The following GPM6B variants were observed in gnomAD, a reference collection of about 807,000 sequenced individuals.
The protein encoded by GPM6B is neuronal membrane glycoprotein M6-b.
In GPM6B, 4 loss-of-function variants were observed where a neutral mutation model predicts 27.2. The observed-to-expected ratio is 0.15, with a 90% CI of 0.07 to 0.34. The LOEUF (loss-of-function observed/expected upper bound fraction) is 0.34. Ranked by LOEUF, GPM6B falls within the 10% of genes least tolerant of loss-of-function variation. The pLI, the probability that GPM6B is intolerant of heterozygous loss-of-function variation, is 1.00. For missense variants in GPM6B, 183 were observed against 261.9 expected (o/e 0.70, Z 2.08); for synonymous variants, 124 against 103.1 (o/e 1.20, Z -1.23).
At chrX:13,831,424 G>T (rs2049438567) in intron 1 of GPM6B, among the ~76,000 whole-genome samples, 1 of 111,235 alleles carries the variant, frequency 9.0e-6, no homozygotes, top group Non-Finnish European at 1.9e-5. Flanking sequence ...TATAGAGCTT[G>T]TCCTGGCTCT....
At chrX:13,852,827 G>A (rs150182746) in intron 1 of GPM6B, among the ~76,000 whole-genome samples, 1,061 of 103,070 alleles carry the variant, frequency 0.01, 20 homozygotes, top group African/African-American at 0.036. Flanking sequence ...AGGTTGGAGT[G>A]CAGTGGCATG....
chrX:13,847,181 C>T (rs1423273369), intron 1 of GPM6B, among the ~76,000 whole-genome samples: 2 of 111,799 alleles, frequency 1.8e-5, no homozygotes, highest in Admixed American at 9.5e-5. Context: ...TGTGTGCAAA[C>T]ATCCCTTACA....
At chrX:13,793,091 T>A (rs1469897327) in intron 2 of GPM6B, among the ~76,000 whole-genome samples, 1 of 109,441 alleles carries the variant, frequency 9.1e-6, no homozygotes, top group Non-Finnish European at 1.9e-5. Context: ...CCAACCAGCA[T>A]TAACATCAAC....
chrX:13,907,494 A>G (rs915644652), intron 1 of GPM6B, among the ~76,000 whole-genome samples: 33 of 111,085 alleles, frequency 3.0e-4, no homozygotes, highest in South Asian at 7.6e-4. Flanking sequence ...GACCAGCCTG[A>G]CCAACATGGT....
intron 2 of GPM6B, among the ~76,000 whole-genome samples, chrX:13,806,444 T>C (rs2049022562): frequency 8.9e-6 from 1 of 111,900 alleles, no homozygotes; most frequent in Non-Finnish European, 1.9e-5. Context: ...ATATTCTTTA[T>C]AGGATCCATG....
intron 1 of GPM6B, among the ~76,000 whole-genome samples, chrX:13,912,035 A>G (rs762647956): frequency 9.0e-5 from 10 of 111,655 alleles, no homozygotes; most frequent in Non-Finnish European, 1.5e-4. Context: ...TATTACCACC[A>G]GACGCCCTTC....
At chrX:13,858,921 G>T (rs2049812057) in intron 1 of GPM6B, among the ~76,000 whole-genome samples, 2 of 111,967 alleles carry the variant, frequency 1.8e-5, no homozygotes, top group Admixed American at 9.5e-5. Context: ...ACCTTTCATA[G>T]GCATGTGTAT....
At chrX:13,854,511 T>C (rs1261526560) in intron 1 of GPM6B, among the ~76,000 whole-genome samples, 15 of 112,216 alleles carry the variant, frequency 1.3e-4, no homozygotes, top group Admixed American at 1.3e-3. Flanking sequence ...GTACATGTTT[T>C]CTAATGCAAT....
At chrX:13,848,788 T>C (rs997002084) in intron 1 of GPM6B, among the ~76,000 whole-genome samples, 4 of 112,417 alleles carry the variant, frequency 3.6e-5, no homozygotes, top group Admixed American at 9.4e-5. Context: ...AACTTGTACA[T>C]GAATGTTCAC....
intron 2 of GPM6B, among the ~76,000 whole-genome samples, chrX:13,804,909 T>G (rs2048994642): frequency 9.0e-6 from 1 of 111,514 alleles, no homozygotes; most frequent in African/African-American, 3.3e-5. Flanking sequence ...GGCATTGATT[T>G]AGGACCCAAC....
chrX:13,900,330 G>A (rs751109007), intron 1 of GPM6B, among the ~76,000 whole-genome samples: 12 of 111,833 alleles, frequency 1.1e-4, no homozygotes, highest in Admixed American at 1.0e-3. Context: ...CAATAAATGT[G>A]TCACTTCGCC....
intron 1 of GPM6B, among the ~76,000 whole-genome samples, chrX:13,831,895 C>T (rs1459317422): frequency 9.0e-6 from 1 of 110,780 alleles, no homozygotes; most frequent in East Asian, 2.8e-4. Flanking sequence ...ATTTTAGAAA[C>T]AAAATGGATA....
In GPM6B at chrX:13,930,562, C is replaced by T. The variant is rs547182289; in HGVS notation, c.-198+7765G>A. 1.4e-3 allele frequency among the ~76,000 whole-genome samples: 150 copies of T among 109,792 alleles called. 1 individual carries two copies. The highest frequency in any genetic ancestry group is 9.3e-3 in the Middle Eastern group (2 of 215). Reference sequence around the variant, plus strand: ...CCGGGAGGTGAAGCTTGCAGTAAGCCGAGATCGTGCCACTGCACTCCAGCC... The same window carrying T: ...CCGGGAGGTGAAGCTTGCAGTAAGCTGAGATCGTGCCACTGCACTCCAGCC... On this transcript the variant is annotated intron_variant, in intron 1 of 6. Transcript: ENST00000398361.
intron 1 of GPM6B, among the ~76,000 whole-genome samples, chrX:13,935,410 G>A (rs1262766671): frequency 1.1e-5 from 1 of 87,197 alleles, no homozygotes; most frequent in African/African-American, 6.8e-5. Flanking sequence ...CAGCTACTTG[G>A]GAGGCTGAGG....
intron 1 of GPM6B, among the ~76,000 whole-genome samples, chrX:13,857,142 AC>A (rs1337060307): frequency 4.5e-5 from 5 of 111,215 alleles, no homozygotes; most frequent in African/African-American, 1.6e-4. Flanking sequence ...CATTGGGCCC[AC>A]TGAGATAATC....
chrX:13,815,469 T>A (rs1005780200), intron 1 of GPM6B, among the ~76,000 whole-genome samples: 1 of 110,618 alleles, frequency 9.0e-6, no homozygotes, highest in Non-Finnish European at 1.9e-5. Flanking sequence ...TTTTTTTTTT[T>A]AAAGACACAC....
chrX:13,929,466 C>A (rs770585175), intron 1 of GPM6B, among the ~76,000 whole-genome samples: 6 of 109,714 alleles, frequency 5.5e-5, no homozygotes, highest in East Asian at 2.8e-4. Flanking sequence ...CTAAAAAAAA[C>A]CAAGCATTCC....
chrX:13,835,071 G>A (rs990980568), intron 1 of GPM6B, among the ~76,000 whole-genome samples: 4 of 111,898 alleles, frequency 3.6e-5, no homozygotes, highest in Admixed American at 2.8e-4. Context: ...GTGTGTGGGG[G>A]TGGTGCCACT....
intron 6 of GPM6B, 76 bp downstream of exon 6, chrX:13,777,272 TCTCG>T (rs769017140): frequency 2.2e-5 from 15 of 685,421 alleles, no homozygotes; most frequent in Non-Finnish European, 3.1e-5. Flanking sequence ...TAACCATCTC[TCTCG>T]CTCTTTCTAC....
Sources: allele counts gnomAD v4.1 joint callset (sites outside exome capture counted in the v4.1 genomes callset), GRCh38; gene constraint gnomAD v4.1.1; transcripts MANE v1.5; gene names NCBI Gene and HGNC (gene_info 2026-07-23, HGNC 2026-07-21).